IL3RA: variants seen among roughly 807,000 people sequenced by gnomAD.
IL3RA encodes the protein interleukin-3 receptor subunit alpha.
A neutral mutation model predicts 52.3 loss-of-function variants in IL3RA; 73 were observed. The ratio of observed to expected loss-of-function variants is 1.40; its 90% CI spans 1.16 to 1.70. IL3RA has a LOEUF of 1.70. IL3RA is among the 40% of genes most tolerant of loss of function. The pLI is 0.00. For synonymous variants in IL3RA, 260 were observed against 194.0 expected (o/e 1.34, Z -2.83); for missense variants, 664 against 504.4 (o/e 1.32, Z -3.03).
At chrX:1,376,939 G>C (rs1174548753) in intron 9 of IL3RA, among the ~76,000 whole-genome samples, 1 of 114,824 alleles carries the variant, frequency 8.7e-6, no homozygotes, top group African/African-American at 3.7e-5. Context: ...CCCACACCTG[G>C]ATCTCAGACC....
intron 11 of IL3RA, 58 bp from the exon 12 acceptor site, chrX:1,382,333 C>T (rs368853313): frequency 3.5e-5 from 47 of 1,338,684 alleles, no homozygotes; most frequent in South Asian, 4.7e-5. Context: ...CAGATCAGGA[C>T]GTGGGCTCTG....
In IL3RA at chrX:1,342,600, G is replaced by A. The variant is rs1343213088; in HGVS notation, c.64+771G>A. 5.8e-4 allele frequency among the ~76,000 whole-genome samples: 78 copies of A among 133,718 alleles called. 1 individual carries two copies. Among genetic ancestry groups the A allele is most frequent in the Non-Finnish European group, 1.0e-3 (66 of 65,122 alleles). 87.7% of individuals were successfully genotyped at this position (133,718 alleles called of 152,430 possible). ...TTTGACACAGAGTTTCATTCTGGTCGCCCAGGCTGGAGTGTAATAGCGTGA... is the reference window on the plus strand; with the variant it reads ...TTTGACACAGAGTTTCATTCTGGTCACCCAGGCTGGAGTGTAATAGCGTGA... On this transcript the variant is annotated intron_variant, in intron 2 of 11. Coordinates refer to ENST00000331035, the MANE Select transcript of IL3RA (RefSeq NM_002183.4).
intron 3 of IL3RA, 105 bp downstream of exon 3, chrX:1,345,539 G>C (rs2085704561): frequency 1.4e-6 from 1 of 725,362 alleles, no homozygotes; most frequent in Non-Finnish European, 2.0e-6. Context: ...GCCCAGGCTG[G>C]ACTGCGGTGA....
intron 3 of IL3RA, 121 bp from the exon 4 acceptor site, chrX:1,348,310 G>T (rs757337833): frequency 5.2e-6 from 4 of 768,076 alleles, no homozygotes; most frequent in East Asian, 4.9e-5. Flanking sequence ...CCGAGATCAC[G>T]CCACTGCACT....
intron 4 of IL3RA, among the ~76,000 whole-genome samples, chrX:1,351,661 C>G (rs1460301260): frequency 7.1e-6 from 1 of 140,256 alleles, no homozygotes; most frequent in Non-Finnish European, 1.5e-5. Flanking sequence ...CGAAGGCTCA[C>G]TCTGTCGCCC....
At chrX:1,339,968 T>C (rs1569518753) in intron 1 of IL3RA, among the ~76,000 whole-genome samples, 1 of 152,034 alleles carries the variant, frequency 6.6e-6, no homozygotes, top group Non-Finnish European at 1.5e-5. Context: ...CGTGTGTTGA[T>C]TTCATCATTG....
intron 9 of IL3RA, among the ~76,000 whole-genome samples, chrX:1,376,675 G>T (rs2088757639): frequency 6.8e-6 from 1 of 147,962 alleles, no homozygotes. Flanking sequence ...CAGGAGAGAG[G>T]CCTCAGGAGG....
chrX:1,347,114 C>A (rs1724951328), intron 3 of IL3RA, among the ~76,000 whole-genome samples: 1 of 151,338 alleles, frequency 6.6e-6, no homozygotes, highest in Admixed American at 6.6e-5. Context: ...TATCAAAAGG[C>A]ACTGAAAAGT....
intron 8 of IL3RA, among the ~76,000 whole-genome samples, chrX:1,363,755 T>C (rs1226609153): frequency 2.0e-5 from 3 of 152,032 alleles, no homozygotes; most frequent in East Asian, 3.9e-4. Flanking sequence ...GCTCTCACTC[T>C]GTCACCCACG....
intron 10 of IL3RA, among the ~76,000 whole-genome samples, chrX:1,380,545 AGGAGGAGGG>A (rs1258143926): frequency 6.3e-5 from 1 of 15,852 alleles, no homozygotes; most frequent in Admixed American, 5.5e-4. Context: ...GAAGGGGAGG[AGGAGGAGGG>A]GGAGGAGAGG....
At chrX:1,368,251 G>T (rs17884121) in intron 9 of IL3RA, among the ~76,000 whole-genome samples, 1 of 151,608 alleles carries the variant, frequency 6.6e-6, no homozygotes, top group African/African-American at 2.4e-5. Context: ...CGACAAGAGC[G>T]AGACTCCATC....
chrX:1,359,806 CTT>C (rs2087047095), intron 8 of IL3RA, among the ~76,000 whole-genome samples: 2 of 149,340 alleles, frequency 1.3e-5, no homozygotes, highest in Non-Finnish European at 3.0e-5. Flanking sequence ...CCCTCCCTCT[CTT>C]TCTCTCTCTC....
chrX:1,347,373 G>C (rs1279948331), intron 3 of IL3RA, among the ~76,000 whole-genome samples: 2 of 151,140 alleles, frequency 1.3e-5, no homozygotes, highest in Non-Finnish European at 2.9e-5. Context: ...GAACCTGGGA[G>C]GCAGAAGCTT....
chrX:1,381,163 C>A (rs1213157814), intron 11 of IL3RA, 59 bp downstream of exon 11: 2 of 1,511,092 alleles, frequency 1.3e-6, no homozygotes, highest in Non-Finnish European at 9.2e-7. Context: ...CTTTGGGAGG[C>A]CCAGGCGGGC....
At chrX:1,380,240 C>T (rs188375935) in intron 10 of IL3RA, among the ~76,000 whole-genome samples, 2,817 of 149,508 alleles carry the variant, frequency 0.019, 39 homozygotes, top group Non-Finnish European at 0.032. Context: ...GTTGGTCAGG[C>T]TGTTCTCGAA....
At chrX:1,349,224 C>G (rs1320907715) in intron 4 of IL3RA, among the ~76,000 whole-genome samples, 2 of 151,488 alleles carry the variant, frequency 1.3e-5, no homozygotes, top group Non-Finnish European at 2.9e-5. Flanking sequence ...CTCTGTCCAC[C>G]AGGCTGGAGT....
intron 2 of IL3RA, among the ~76,000 whole-genome samples, chrX:1,344,564 G>T (rs1394673468): frequency 6.6e-6 from 1 of 151,558 alleles, no homozygotes; most frequent in Non-Finnish European, 1.5e-5. Flanking sequence ...CACGAGGTCA[G>T]GAGATCGAGA....
At chrX:1,343,877 C>G (rs1330601900) in intron 2 of IL3RA, among the ~76,000 whole-genome samples, 1 of 149,402 alleles carries the variant, frequency 6.7e-6, no homozygotes, top group Admixed American at 6.7e-5. Context: ...CTCACCGCAA[C>G]CTCCGCCTCC....
At chrX:1,358,931 G>A in intron 8 of IL3RA, 44 bp downstream of exon 8, 2 of 1,516,082 alleles carry the variant, frequency 1.3e-6, no homozygotes, top group Non-Finnish European at 1.8e-6. Flanking sequence ...ACATTGCAAA[G>A]GGTGAGTTTT....
Sources: gnomAD v4.1 joint callset for allele counts (sites outside exome capture counted in the v4.1 genomes callset) on GRCh38, gnomAD v4.1.1 for gene constraint, MANE v1.5 for transcripts, NCBI Gene and HGNC (gene_info 2026-07-23, HGNC 2026-07-21) for gene names.